The following ZNF585A variants were observed in gnomAD, a reference collection of about 807,000 sequenced individuals.
ZNF585A encodes zinc finger protein 585A.
In ZNF585A, 9 loss-of-function variants were observed where a neutral mutation model predicts 14.9. That is an observed-to-expected ratio of 0.60 (90% CI 0.36 to 1.05). The LOEUF (loss-of-function observed/expected upper bound fraction) is 1.05. Among genes scored for constraint, ZNF585A ranks in the 50% least tolerant of loss-of-function variants. The pLI, the probability that ZNF585A is intolerant of heterozygous loss-of-function variation, is 0.01. For missense variants in ZNF585A, 726 were observed against 926.4 expected (o/e 0.78, Z 2.81); for synonymous variants, 276 against 319.9 (o/e 0.86, Z 1.46).
chr19:37,156,244 G>T lies in ZNF585A; in HGVS notation c.184C>A (p.His62Asn). 1.9e-6 allele frequency: 3 copies of T among 1,614,108 alleles called. No individual in the cohort carries two copies. The highest frequency in any genetic ancestry group is 2.5e-6 in the Non-Finnish European group (3 of 1,180,008). Residue 62 changes from histidine to asparagine, a missense_variant, in exon 3 of 5, where the codon CAC (histidine) becomes AAC (asparagine). By Grantham distance (68) the His-to-Asn change is moderately conservative. Coordinates refer to ENST00000292841, the MANE Select transcript of ZNF585A (RefSeq NM_001288800.2). The part of the protein sequence containing the change: ...YRDVMLETYS[H>N]LLSVGYQVPE... ...CTGTGCTTACCTACTGAGAGCAGGT[G>T]GCTGTAGGTCTCCAGCATCACATCC...
Position 37,153,149 on chromosome 19 carries a change from T to A in ZNF585A, c.750A>T (p.Ala250=), listed in dbSNP as rs57916401. The A allele has an allele frequency of 1.2e-6, 2 of 1,613,818 alleles. No homozygotes were observed. Among genetic ancestry groups the A allele is most frequent in the Non-Finnish European group, 1.7e-6 (2 of 1,179,950 alleles). ...TCTTGAGTGTGGACTTTTGTGTGAA[T>A]GCTTTGCCACAGTCAGTGCATTCAT... is the stretch of plus-strand genomic sequence containing the variant. ...RHHECTDCGK[A]FTQKSTLKMH... The change falls in exon 5 of 5, where the codon GCA becomes GCT. Residue 250 remains alanine (A), a synonymous_variant. Transcript: ENST00000292841.
At position 37,153,309 on chromosome 19, in the gene ZNF585A, T is replaced by G; in HGVS notation, c.590A>C (p.Gln197Pro). Residue 197 changes from glutamine to proline, a missense_variant, in exon 5 of 5, where the codon CAA becomes CCA. Gln to Pro is a moderately conservative substitution (Grantham distance 76, BLOSUM62 -1). Transcript: ENST00000292841. ...CTGATGCCTGAAGAGGGACGACACT[T>G]GAAAAAAGGATTTTCCACATTCATT... Reference protein sequence around the residue: ...KCNECGKSFFQVSSLFRHQRI... With the variant: ...KCNECGKSFFPVSSLFRHQRI... 1 of 1,614,156 alleles carries G rather than the reference T, an allele frequency of 6.2e-7. No individual in the cohort carries two copies. The highest frequency in any genetic ancestry group is 8.5e-7 in the Non-Finnish European group (1 of 1,180,008).
At position 37,150,663 on chromosome 19, in the gene ZNF585A, G is replaced by A. The variant is rs1420271212; in HGVS notation, c.*926C>T. On this transcript the variant is annotated 3_prime_UTR_variant, in exon 5 of 5. Transcript: ENST00000292841. ...CAGCCCTAAACATATGGTTGTGTTG[G>A]TTTTCATATAAGTTATTAATCTGTT... The A allele has an allele frequency of 6.6e-6, 1 of 152,294 alleles. No individual in the cohort carries two copies. The highest frequency in any genetic ancestry group is 2.4e-5 in the African/African-American group (1 of 41,268). The allele number at this position is 152,294 out of a possible 1,614,324, so 9.4% of individuals were successfully genotyped here. A position where few individuals can be genotyped will look rare whatever the true frequency, so the allele number is the denominator to read the frequency against.
At chr19:37,161,337 C>A (rs948151370) in intron 2 of ZNF585A, among the ~76,000 whole-genome samples, 3 of 152,152 alleles carry the variant, frequency 2.0e-5, no homozygotes, top group Non-Finnish European at 4.4e-5. Context: ...TTTTCTAACT[C>A]CTTATGAATC....
rs764492671 is a variant in ZNF585A at position 37,151,243 on chromosome 19, C to A, written c.*346G>T. On this transcript the variant is annotated 3_prime_UTR_variant, in exon 5 of 5. Coordinates refer to ENST00000292841, the MANE Select transcript of ZNF585A (RefSeq NM_001288800.2). ...TCAATTTGTTGGCACTATACCTAAT[C>A]CACAGTAAACAGGATTATCGTTAAC... 9.4e-6 allele frequency: 4 copies of A among 426,072 alleles called. No homozygotes were observed. Among genetic ancestry groups the A allele is most frequent in the Middle Eastern group, 1.2e-3 (2 of 1,694 alleles). 26.4% of individuals were successfully genotyped at this position (426,072 alleles called of 1,614,324 possible). A position where few individuals can be genotyped will look rare whatever the true frequency, so the allele number is the denominator to read the frequency against.
chr19:37,153,761 G>A (rs1971879546), intron 4 of ZNF585A, among the ~76,000 whole-genome samples, 155 bp from the exon 5 acceptor site: 1 of 152,146 alleles, frequency 6.6e-6, no homozygotes, highest in Admixed American at 6.5e-5. Context: ...GGTCTTTTGG[G>A]AGGAGAAATG....
At position 37,146,531 on chromosome 19, in the gene ZNF585A, C is replaced by T. The variant is rs1224976991; in HGVS notation, c.*5058G>A. ...TTGGCCACGGGGTCAATGTCTGCCA[C>T]ACTGCATCACATCCATTATCCAACA... On this transcript the variant is annotated 3_prime_UTR_variant, in exon 5 of 5. Coordinates refer to ENST00000292841, the MANE Select transcript of ZNF585A (RefSeq NM_001288800.2). The T allele has an allele frequency of 6.6e-6, 1 of 152,258 alleles. No individual in the cohort carries two copies. The highest frequency in any genetic ancestry group is 6.5e-5 in the Admixed American group (1 of 15,278). 9.4% of individuals were successfully genotyped at this position (152,258 alleles called of 1,614,324 possible).
In ZNF585A at chr19:37,147,730, A is replaced by G. The variant is rs1234208666; in HGVS notation, c.*3859T>C. 1.3e-5 allele frequency: 2 copies of G among 152,260 alleles called. No individual in the cohort carries two copies. The highest frequency in any genetic ancestry group is 2.9e-5 in the Non-Finnish European group (2 of 68,038). The allele number at this position is 152,260 out of a possible 1,614,324, so 9.4% of individuals were successfully genotyped here. On this transcript the variant is annotated 3_prime_UTR_variant, in exon 5 of 5. Coordinates refer to ENST00000292841, the MANE Select transcript of ZNF585A (RefSeq NM_001288800.2). ...TGTAATGACAGGCACATATAAAATTAAAATATATAAATCTAGTTTTTACAC... is the reference window on the plus strand; with the variant it reads ...TGTAATGACAGGCACATATAAAATTGAAATATATAAATCTAGTTTTTACAC...
rs896942105 is a variant in ZNF585A, at chr19:37,147,764, C to T, written c.*3825G>A. The T allele has an allele frequency of 2.0e-5, 3 of 152,074 alleles. No individual in the cohort carries two copies. The highest frequency in any genetic ancestry group is 4.4e-5 in the Non-Finnish European group (3 of 68,002). The allele number at this position is 152,074 out of a possible 1,614,324, so 9.4% of individuals were successfully genotyped here. A position where few individuals can be genotyped will look rare whatever the true frequency, so the allele number is the denominator to read the frequency against. On this transcript the variant is annotated 3_prime_UTR_variant, in exon 5 of 5. Transcript: ENST00000292841. ...AAATCTAGTTTTTACACTTATAAAT[C>T]TTTTATCAAATGTAATTCAAGTTAT...
At chr19:37,162,839 T>C (rs1256989692) in intron 2 of ZNF585A, among the ~76,000 whole-genome samples, 1 of 151,474 alleles carries the variant, frequency 6.6e-6, no homozygotes, top group African/African-American at 2.4e-5. Context: ...AAGTGGAGGG[T>C]GAAAGGAGGG....
chr19:37,161,935 G>GT (rs1204572826), intron 2 of ZNF585A, among the ~76,000 whole-genome samples: 1 of 151,544 alleles, frequency 6.6e-6, no homozygotes, highest in Non-Finnish European at 1.5e-5. Flanking sequence ...TCTTTTTTTT[G>GT]TTTTTTGAGA....
intron 4 of ZNF585A, among the ~76,000 whole-genome samples, chr19:37,154,856 T>C (rs1599748051): frequency 7.2e-6 from 1 of 139,608 alleles, no homozygotes; most frequent in East Asian, 2.1e-4. Context: ...CTAGCAGGAG[T>C]GGGAGTGGGT....
chr19:37,146,985 G>A lies in ZNF585A; in HGVS notation c.*4604C>T, dbSNP rs1406602985. ...CTGTGCGGGGCATCTGGTCAACCTC[G>A]ATATTATTGCTATTATTCATTCATC... On this transcript the variant is annotated 3_prime_UTR_variant, in exon 5 of 5. Transcript: ENST00000292841. 5 of 152,052 alleles carry A rather than the reference G, an allele frequency of 3.3e-5. No individual in the cohort carries two copies. Among genetic ancestry groups the A allele is most frequent in the Admixed American group, 1.3e-4 (2 of 15,264 alleles). 9.4% of individuals were successfully genotyped at this position (152,052 alleles called of 1,614,324 possible).
In ZNF585A at chr19:37,153,229, A is replaced by C. The variant is rs370889139; in HGVS notation, c.670T>G (p.Ser224Ala). The C allele has an allele frequency of 3.1e-6, 5 of 1,613,926 alleles. No individual in the cohort carries two copies. The African/African-American group carries it at 6.7e-5, about 22-fold the overall frequency. ...YECSQCGKGF[S>A]YNSDLSIHEK... ...TGTATACTGAGATCTGAGTTATAAGAGAAGCCTTTCCCACACTGGCTGCAT... is the reference window on the plus strand; with the variant it reads ...TGTATACTGAGATCTGAGTTATAAGCGAAGCCTTTCCCACACTGGCTGCAT... Residue 224 changes from serine (S) to alanine (A), a missense_variant, in exon 5 of 5, where the codon TCT becomes GCT. Ser to Ala is a moderately conservative substitution (Grantham distance 99). Transcript: ENST00000292841.
In ZNF585A at chr19:37,153,273, G is replaced by A; in HGVS notation, c.626C>T (p.Thr209Ile). 1 of 1,614,120 alleles carries A rather than the reference G, an allele frequency of 6.2e-7. No homozygotes were observed. Among genetic ancestry groups the A allele is most frequent in the Non-Finnish European group, 8.5e-7 (1 of 1,180,012 alleles). The change falls in exon 5 of 5, where the codon ACC becomes ATC. Residue 209 changes from threonine (T) to isoleucine (I), a missense_variant. Around this residue, in one of 2 missense-constraint regions of ZNF585A, gnomAD observed 483 missense variants for 542.8 expected, o/e 0.89. Transcript: ENST00000292841. ...SSLFRHQRIH[T>I]GEKLYECSQC... ...GCTGCATTCATAGAGTTTCTCTCCG[G>A]TATGAATTCTCTGATGCCTGAAGAG...
At chr19:37,159,616 C>G (rs1971984139) in intron 2 of ZNF585A, among the ~76,000 whole-genome samples, 1 of 152,036 alleles carries the variant, frequency 6.6e-6, no homozygotes, top group East Asian at 1.9e-4. Context: ...TTTCAAGCAC[C>G]CATAGAAAAG....
chr19:37,161,510 G>A (rs1012608090), intron 2 of ZNF585A, among the ~76,000 whole-genome samples: 3 of 152,138 alleles, frequency 2.0e-5, no homozygotes, highest in African/African-American at 7.2e-5. Context: ...GAACAACACA[G>A]GTTTGAACTA....
At chr19:37,161,210 C>G (rs1487364683) in intron 2 of ZNF585A, among the ~76,000 whole-genome samples, 1 of 151,828 alleles carries the variant, frequency 6.6e-6, no homozygotes, top group Non-Finnish European at 1.5e-5. Flanking sequence ...CAATATCTCT[C>G]ATGAATTTAA....
At chr19:37,164,190 G>A (rs1206626144) in intron 2 of ZNF585A, among the ~76,000 whole-genome samples, 8 of 152,130 alleles carry the variant, frequency 5.3e-5, no homozygotes, top group Non-Finnish European at 8.8e-5. Flanking sequence ...AGGCCGAAGC[G>A]GGTGGATCAC....
Sources: allele counts gnomAD v4.1 joint callset (sites outside exome capture counted in the v4.1 genomes callset), GRCh38; gene constraint gnomAD v4.1.1; regional missense constraint gnomAD v4.1.1; transcripts MANE v1.5; gene names NCBI Gene and HGNC (gene_info 2026-07-23, HGNC 2026-07-21).